The following TMEM108 variants were observed in gnomAD, a reference collection of about 807,000 sequenced individuals.
TMEM108 encodes cancer/testis antigen 124.
A neutral mutation model predicts 35.1 loss-of-function variants in TMEM108; 12 were observed. The observed-to-expected ratio is 0.34, with a 90% confidence interval of 0.22 to 0.55. TMEM108 has a LOEUF of 0.55. TMEM108 is among the 20% of genes least tolerant of loss of function. The pLI, the probability that TMEM108 is intolerant of heterozygous loss-of-function variation, is 0.89. For synonymous variants in TMEM108, 287 were observed against 308.6 expected (o/e 0.93, Z 0.73); for missense variants, 680 against 753.3 (o/e 0.90, Z 1.14).
At chr3:133,056,877 T>G (rs190950987) in intron 2 of TMEM108, among the ~76,000 whole-genome samples, 8 of 152,294 alleles carry the variant, frequency 5.3e-5, no homozygotes, top group Non-Finnish European at 8.8e-5. Context: ...TCATGTAAAG[T>G]GAGATTTATC....
intron 3 of TMEM108, among the ~76,000 whole-genome samples, chr3:133,374,625 A>G (rs2072780757): frequency 6.6e-6 from 1 of 151,702 alleles, no homozygotes; most frequent in African/African-American, 2.4e-5. Flanking sequence ...CTACCAAACA[A>G]TGGAGTGTAT....
In TMEM108 at chr3:133,214,781, C is replaced by A. The variant is rs559085349; in HGVS notation, c.-46-14485C>A. ...GTGAGGGAGCATTACCAGCTGAGTT[C>A]CACCTCCTGTCAGATCAGTGGTGGC... On this transcript the variant is annotated intron_variant, in intron 2 of 5. Transcript: ENST00000321871. Among the ~76,000 whole-genome samples the A allele has an allele frequency of 2.0e-5, 3 of 152,222 alleles. No individual in the cohort carries two copies. In the South Asian group the frequency reaches 6.2e-4, roughly 32 times the overall value.
At chr3:133,221,737 A>G (rs1945996249) in intron 2 of TMEM108, among the ~76,000 whole-genome samples, 1 of 144,746 alleles carries the variant, frequency 6.9e-6, no homozygotes, top group Non-Finnish European at 1.5e-5. Context: ...TGAGGCTTAC[A>G]TAAAGCAACT....
intron 2 of TMEM108, among the ~76,000 whole-genome samples, chr3:133,081,572 A>C (rs1052756745): frequency 6.6e-6 from 1 of 152,204 alleles, no homozygotes; most frequent in African/African-American, 2.4e-5. Flanking sequence ...TGGAATATAG[A>C]TCTGTCACAT....
chr3:133,139,617 C>T (rs1559844980), intron 2 of TMEM108, among the ~76,000 whole-genome samples: 4 of 152,328 alleles, frequency 2.6e-5, no homozygotes, highest in African/African-American at 9.6e-5. Context: ...CCTGTGTACG[C>T]ACAGCTTTAA....
intron 2 of TMEM108, among the ~76,000 whole-genome samples, chr3:133,087,914 C>A (rs1338099808): frequency 6.6e-6 from 1 of 152,064 alleles, no homozygotes; most frequent in Non-Finnish European, 1.5e-5. Context: ...CTACGTGGTG[C>A]CTTTGAGAGA....
In TMEM108 at chr3:133,379,906, G is replaced by A; in HGVS notation, c.195G>A (p.Met65Ile). ...CTACCAGACATACTTCTGTGGTGAT[G>A]CTGACCCCCAATCCCGATGGACCCC... Reference protein sequence around the residue: ...HSSTRHTSVVMLTPNPDGPPS... With the variant: ...HSSTRHTSVVILTPNPDGPPS... Residue 65 changes from methionine (M) to isoleucine (I), a missense_variant, in exon 4 of 6, where the codon ATG becomes ATA. Transcript: ENST00000321871. 2 of 1,613,882 alleles carry A rather than the reference G, an allele frequency of 1.2e-6. No individual in the cohort carries two copies. Among genetic ancestry groups the A allele is most frequent in the Non-Finnish European group, 1.7e-6 (2 of 1,179,916 alleles).
chr3:133,288,997 A>C (rs552518236), intron 3 of TMEM108, among the ~76,000 whole-genome samples: 83 of 152,270 alleles, frequency 5.5e-4, no homozygotes, highest in Non-Finnish European at 1.0e-3. Flanking sequence ...CGGCCTCCCA[A>C]AGTGCTGGGA....
chr3:133,210,033 G>T (rs146407941), intron 2 of TMEM108, among the ~76,000 whole-genome samples: 9 of 152,136 alleles, frequency 5.9e-5, no homozygotes, highest in Admixed American at 4.6e-4. Context: ...TGCATGAAAG[G>T]CATTGGATCC....
At chr3:133,107,755 T>C (rs1456449287) in intron 2 of TMEM108, among the ~76,000 whole-genome samples, 2 of 152,176 alleles carry the variant, frequency 1.3e-5, no homozygotes, top group Admixed American at 1.3e-4. Context: ...CTTTACCTGA[T>C]CCTGGTCACT....
chr3:133,198,217 G>A (rs576207851), intron 2 of TMEM108, among the ~76,000 whole-genome samples: 4 of 152,236 alleles, frequency 2.6e-5, no homozygotes, highest in South Asian at 2.1e-4. Context: ...ACCCACTGGC[G>A]AGAGAGGGAT....
chr3:133,379,694 C>A, intron 3 of TMEM108, 58 bp from the exon 4 acceptor site: 1 of 1,547,600 alleles, frequency 6.5e-7, no homozygotes, highest in Non-Finnish European at 8.8e-7. Context: ...GTAAGAAAGG[C>A]CCAGGCTGTA....
intron 2 of TMEM108, among the ~76,000 whole-genome samples, chr3:133,148,391 G>A (rs1944751782): frequency 6.6e-6 from 1 of 152,158 alleles, no homozygotes; most frequent in African/African-American, 2.4e-5. Context: ...AAATGTACAG[G>A]ATAACTGAGG....
At chr3:133,345,041 C>G (rs1000420515) in intron 3 of TMEM108, among the ~76,000 whole-genome samples, 1 of 151,828 alleles carries the variant, frequency 6.6e-6, no homozygotes, top group Non-Finnish European at 1.5e-5. Context: ...AGGCCTATGT[C>G]ACTGAAAATA....
intron 3 of TMEM108, among the ~76,000 whole-genome samples, chr3:133,322,516 T>C (rs1466818028): frequency 6.6e-6 from 1 of 151,930 alleles, no homozygotes; most frequent in East Asian, 1.9e-4. Context: ...AATAGTGAAA[T>C]TGAAAAAGTA....
At chr3:133,297,784 A>C (rs971016411) in intron 3 of TMEM108, among the ~76,000 whole-genome samples, 1 of 152,192 alleles carries the variant, frequency 6.6e-6, no homozygotes, top group Non-Finnish European at 1.5e-5. Context: ...TGCTGTATTC[A>C]TGTTGCTTTA....
At chr3:133,087,046 T>C (rs576076124) in intron 2 of TMEM108, among the ~76,000 whole-genome samples, 2 of 152,310 alleles carry the variant, frequency 1.3e-5, no homozygotes, top group African/African-American at 4.8e-5. Context: ...AACATTCAAC[T>C]TTAGGATCTT....
In TMEM108 at chr3:133,355,998, A is replaced by G. The variant is rs75145467; in HGVS notation, c.41-23754A>G. 7.2e-3 allele frequency among the ~76,000 whole-genome samples: 1,098 copies of G among 152,296 alleles called. 15 individuals carry two copies. The highest frequency in any genetic ancestry group is 0.024 in the African/African-American group (1,016 of 41,574). On this transcript the variant is annotated intron_variant, in intron 3 of 5. Transcript: ENST00000321871. The stretch of plus-strand genomic sequence containing the variant: ...CAGCAATCAGTCAAGAGAAAGAAAT[A>G]TAGGGCATCCAAATTGGAAAACAGG...
chr3:133,041,240 A>G (rs1943272068), intron 1 of TMEM108, among the ~76,000 whole-genome samples: 1 of 152,158 alleles, frequency 6.6e-6, no homozygotes, highest in Admixed American at 6.5e-5. Flanking sequence ...CATTCACAAG[A>G]TGAAAGCTCC....
Sources: allele counts gnomAD v4.1 joint callset (sites outside exome capture counted in the v4.1 genomes callset), GRCh38; gene constraint gnomAD v4.1.1; transcripts MANE v1.5; gene names NCBI Gene and HGNC (gene_info 2026-07-23, HGNC 2026-07-21).